CCDC136: variants seen among roughly 807,000 people sequenced by gnomAD.
CCDC136 encodes coiled-coil domain-containing protein 136.
In CCDC136, 100 loss-of-function variants were observed where a neutral mutation model predicts 141.2. That is an observed-to-expected ratio of 0.71 (90% CI 0.60 to 0.84). The LOEUF is 0.84. CCDC136 is among the 40% of genes least tolerant of loss of function. The pLI, the probability that CCDC136 is intolerant of heterozygous loss-of-function variation, is 0.00. For missense variants in CCDC136, 1,206 were observed against 1,379.4 expected (o/e 0.87, Z 1.99); for synonymous variants, 474 against 531.9 (o/e 0.89, Z 1.50).
chr7:128,803,815 CTT>C (rs547570254), intron 4 of CCDC136, among the ~76,000 whole-genome samples: 34 of 135,142 alleles, frequency 2.5e-4, no homozygotes, highest in South Asian at 2.4e-4. Context: ...GAAAGAATTC[CTT>C]TTTTTTTTTT....
upstream of CCDC136, chr7:128,791,310 G>A (rs545742957): frequency 3.0e-4 from 106 of 354,732 alleles, no homozygotes; most frequent in African/African-American, 2.2e-3. The surrounding 1 kb of genome is among the most constrained non-coding windows in gnomAD (Gnocchi z 7.1). Context: ...GCACGGGCTC[G>A]GAGCTCCCGA....
Position 128,821,526 on chromosome 7 carries a change from G to A in CCDC136, c.*6-273G>A, listed in dbSNP as rs962628377. Among the ~76,000 whole-genome samples the A allele has an allele frequency of 6.6e-6, 1 of 152,204 alleles. No homozygotes were observed. The highest frequency in any genetic ancestry group is 2.4e-5 in the African/African-American group (1 of 41,436). ...ACTTGGAAGTCTGGCCCCTGAGCCT[G>A]CTTCTTCACATGGGAGCTAGTATTC... On this transcript the variant is annotated intron_variant, in intron 17 of 17. Coordinates refer to ENST00000297788, the MANE Select transcript of CCDC136 (RefSeq NM_022742.5). This position sits in a 1 kb window ranked among gnomAD's most constrained non-coding sequence, Gnocchi z 5.1.
chr7:128,819,114 C>T (rs1807088710), intron 17 of CCDC136, among the ~76,000 whole-genome samples: 1 of 152,332 alleles, frequency 6.6e-6, no homozygotes, highest in Non-Finnish European at 1.5e-5. Context: ...GACTGTTTCT[C>T]CCCTGTCACC....
At position 128,792,391 on chromosome 7, in the gene CCDC136, G is replaced by T; in HGVS notation, c.-21G>T. ...TGAGAGGAAGAAGGGCCAACGCTGG[G>T]GGTCCCTGGAACGACGGGGGATGCA... On this transcript the variant is annotated 5_prime_UTR_variant, in exon 1 of 18. Coordinates refer to ENST00000297788, the MANE Select transcript of CCDC136 (RefSeq NM_022742.5). 1.2e-6 allele frequency: 2 copies of T among 1,611,298 alleles called. No individual in the cohort carries two copies. Among genetic ancestry groups the T allele is most frequent in the Non-Finnish European group, 1.7e-6 (2 of 1,178,574 alleles).
chr7:128,802,785 C>G (rs946185688), intron 4 of CCDC136, among the ~76,000 whole-genome samples: 1 of 152,130 alleles, frequency 6.6e-6, no homozygotes, highest in Non-Finnish European at 1.5e-5. Context: ...TCCGTACTAC[C>G]TTTGCAACTT....
chr7:128,796,155 T>C (rs2128895267), intron 3 of CCDC136, among the ~76,000 whole-genome samples: 1 of 152,292 alleles, frequency 6.6e-6, no homozygotes, highest in Admixed American at 6.5e-5. Flanking sequence ...ATTGTATTTT[T>C]AGTAGAGATG....
At chr7:128,796,729 A>G (rs1803001906) in intron 3 of CCDC136, among the ~76,000 whole-genome samples, 1 of 122,900 alleles carries the variant, frequency 8.1e-6, no homozygotes, top group South Asian at 2.5e-4. Context: ...CAGAATATAT[A>G]TATATATATA....
rs752174762 is a variant in CCDC136 at position 128,806,836 on chromosome 7, C to T, written c.1397C>T (p.Ser466Phe). The change falls in exon 9 of 18, where the codon TCC (serine) becomes TTC (phenylalanine). Residue 466 changes from serine (S) to phenylalanine (F), a missense_variant. By Grantham distance (155) the Ser-to-Phe change is radical (BLOSUM62 -2). Coordinates refer to ENST00000297788, the MANE Select transcript of CCDC136 (RefSeq NM_022742.5). ...ELQHLRDTVA[S>F]FKESNEKDTE... ...CAGCACCTCAGGGATACGGTGGCCT[C>T]CTTCAAAGAGAGCAATGAGAAGGTA... The T allele has an allele frequency of 1.9e-6, 3 of 1,608,412 alleles. No homozygotes were observed. The South Asian group carries it at 3.3e-5, about 18-fold the overall frequency.
Position 128,812,095 on chromosome 7 carries a change from G to A in CCDC136, c.2324G>A (p.Ser775Asn). 2.5e-6 allele frequency: 4 copies of A among 1,614,010 alleles called. No individual in the cohort carries two copies. Among genetic ancestry groups the A allele is most frequent in the Non-Finnish European group, 3.4e-6 (4 of 1,179,888 alleles). Reference sequence around the variant, plus strand: ...GATGACAATGAGAGCTATTACAAGAGTTACACCAGCACCCAGACCAGCAGC... The same window carrying A: ...GATGACAATGAGAGCTATTACAAGAATTACACCAGCACCCAGACCAGCAGC... The part of the protein sequence containing the change: ...TVDDNESYYK[S>N]YTSTQTSSKS... The change falls in exon 13 of 18, where the codon AGT (serine) becomes AAT (asparagine). Residue 775 changes from serine to asparagine, a missense_variant. Physicochemically the swap from Ser to Asn is conservative, Grantham distance 46. Transcript: ENST00000297788.
Position 128,817,622 on chromosome 7 carries a change from A to G in CCDC136, c.3364-136A>G. On this transcript the variant is annotated intron_variant, in intron 16 of 17. Coordinates refer to ENST00000297788, the MANE Select transcript of CCDC136 (RefSeq NM_022742.5). The surrounding 1 kb of genome is among the most constrained non-coding windows in gnomAD (Gnocchi z 4.6). ...AAAAGACATGCAACTGCTCTAGCTTACCTGTTTTTTAACCTCTTGATTCCT... is the reference window on the plus strand; with the variant it reads ...AAAAGACATGCAACTGCTCTAGCTTGCCTGTTTTTTAACCTCTTGATTCCT... The G allele has an allele frequency of 2.6e-6, 2 of 780,414 alleles. No individual in the cohort carries two copies. Among genetic ancestry groups the G allele is most frequent in the Non-Finnish European group, 4.6e-6 (2 of 432,512 alleles). 48.3% of individuals were successfully genotyped at this position (780,414 alleles called of 1,614,324 possible).
intron 11 of CCDC136, 61 bp from the exon 12 acceptor site, chr7:128,810,078 G>A (rs1805476270): frequency 2.0e-6 from 2 of 982,836 alleles, no homozygotes; most frequent in East Asian, 5.2e-5. Flanking sequence ...CACCAAGGAG[G>A]CATCAGACTT....
At chr7:128,806,664 T>G (rs758149983) in intron 8 of CCDC136, 24 bp from the exon 9 acceptor site, 31 of 1,598,532 alleles carry the variant, frequency 1.9e-5, no homozygotes, top group Non-Finnish European at 2.6e-5. Flanking sequence ...CCAAAGGCAC[T>G]GCCCAAAGCC....
chr7:128,813,293 G>C (rs1419198681), intron 14 of CCDC136, among the ~76,000 whole-genome samples: 2 of 152,208 alleles, frequency 1.3e-5, no homozygotes, highest in African/African-American at 4.8e-5. Context: ...CAACTAGATT[G>C]CAAGCAGCTC....
chr7:128,816,060 C>A, intron 16 of CCDC136, 129 bp downstream of exon 16: 2 of 847,496 alleles, frequency 2.4e-6, no homozygotes, highest in Non-Finnish European at 3.6e-6. Context: ...AAGGCACAAC[C>A]CTTCGGGGAG....
In CCDC136 at chr7:128,809,587, G is replaced by A. The variant is rs1479239608; in HGVS notation, c.1743G>A (p.Leu581=). The A allele has an allele frequency of 6.4e-7, 1 of 1,566,692 alleles. No homozygotes were observed. Among genetic ancestry groups the A allele is most frequent in the Admixed American group, 1.9e-5 (1 of 53,144 alleles). The change falls in exon 11 of 18, where the codon CTG becomes CTA. Residue 581 remains leucine, a synonymous_variant. Coordinates refer to ENST00000297788, the MANE Select transcript of CCDC136 (RefSeq NM_022742.5). The part of the protein sequence containing the change: ...QRRMQEEQGQ[L]QEELHRLTLP... ...GGATGCAGGAGGAGCAGGGCCAGCTGCAGGAAGAGCTGCACAGGCTCACAC... is the reference window on the plus strand; with the variant it reads ...GGATGCAGGAGGAGCAGGGCCAGCTACAGGAAGAGCTGCACAGGCTCACAC...
At chr7:128,796,607 T>C (rs1191838162) in intron 3 of CCDC136, among the ~76,000 whole-genome samples, 4 of 151,366 alleles carry the variant, frequency 2.6e-5, no homozygotes, top group African/African-American at 9.7e-5. Flanking sequence ...GTGGAAACAC[T>C]TAAGATGGAG....
chr7:128,811,033 G>A (rs886359520), intron 12 of CCDC136, among the ~76,000 whole-genome samples: 3 of 152,180 alleles, frequency 2.0e-5, no homozygotes, highest in Non-Finnish European at 4.4e-5. Flanking sequence ...TCAGGGTTGG[G>A]GGATAAAGTT....
Position 128,809,613 on chromosome 7 carries a change from T to C in CCDC136, c.1769T>C (p.Leu590Pro). The C allele has an allele frequency of 6.4e-7, 1 of 1,551,704 alleles. No individual in the cohort carries two copies. The highest frequency in any genetic ancestry group is 8.7e-7 in the Non-Finnish European group (1 of 1,148,416). Residue 590 changes from leucine (L) to proline (P), a missense_variant, in exon 11 of 18, where the codon CTG becomes CCG. Leu to Pro is a moderately conservative substitution (Grantham distance 98, BLOSUM62 -3). Transcript: ENST00000297788. Reference protein sequence around the residue: ...QLQEELHRLTLPLPKSGLLLK... With the variant: ...QLQEELHRLTPPLPKSGLLLK... ...CAGGAAGAGCTGCACAGGCTCACAC[T>C]GCCACTGCCAAAGAGTGGCCTCTTA...
chr7:128,802,378 G>GT (rs1347054006), intron 4 of CCDC136, among the ~76,000 whole-genome samples: 1 of 152,146 alleles, frequency 6.6e-6, no homozygotes, highest in African/African-American at 2.4e-5. Flanking sequence ...TTTTCCAGCT[G>GT]TATCAAGCCT....
Sources: allele counts gnomAD v4.1 joint callset (sites outside exome capture counted in the v4.1 genomes callset), GRCh38; gene constraint gnomAD v4.1.1; non-coding constraint Gnocchi (gnomAD v3.1); transcripts MANE v1.5; gene names NCBI Gene and HGNC (gene_info 2026-07-23, HGNC 2026-07-21).